Variants in ADAMTS18 observed in about 807,000 individuals in gnomAD.
ADAMTS18 encodes the protein A disintegrin and metalloproteinase with thrombospondin motifs 18.
A neutral mutation model predicts 165.9 loss-of-function variants in ADAMTS18; 157 were observed. The observed-to-expected ratio is 0.95, with a 90% CI of 0.83 to 1.08. The LOEUF is 1.08. Among genes scored for constraint, ADAMTS18 ranks in the 50% least tolerant of loss-of-function variants. The probability of loss-of-function intolerance (pLI) is 0.00; values close to 1 mark genes in which losing one functional copy is unlikely to be tolerated. For synonymous variants in ADAMTS18, 782 were observed against 578.2 expected (o/e 1.35, Z -5.06); for missense variants, 2,040 against 1,534.0 (o/e 1.33, Z -5.51).
intron 3 of ADAMTS18, among the ~76,000 whole-genome samples, chr16:77,385,031 C>T (rs373726222): frequency 2.0e-5 from 3 of 151,926 alleles, no homozygotes; most frequent in South Asian, 4.2e-4. Context: ...GCCTCAGCCT[C>T]CCAAGTAGCT....
At chr16:77,309,965 C>T (rs1008374313) in intron 16 of ADAMTS18, among the ~76,000 whole-genome samples, 1 of 152,146 alleles carries the variant, frequency 6.6e-6, no homozygotes. Flanking sequence ...ACTTTAAATG[C>T]TATTTGCTGT....
chr16:77,431,787 A>C lies in ADAMTS18; in HGVS notation c.179-176T>G, dbSNP rs2057743876. The C allele has an allele frequency of 7.2e-6, 5 of 690,946 alleles. No individual in the cohort carries two copies. In the South Asian group the frequency reaches 8.3e-5, roughly 11 times the overall value. The allele number at this position is 690,946 out of a possible 1,614,324, so 42.8% of individuals were successfully genotyped here. A position where few individuals can be genotyped will look rare whatever the true frequency, so the allele number is the denominator to read the frequency against. ...AGGCAGCAGAAGACCTGTCTCTACAACTAACTCGGCCACAGTCATTTCTAC... is the reference window on the plus strand; with the variant it reads ...AGGCAGCAGAAGACCTGTCTCTACACCTAACTCGGCCACAGTCATTTCTAC... On this transcript the variant is annotated intron_variant, in intron 2 of 22. Transcript: ENST00000282849.
intron 16 of ADAMTS18, among the ~76,000 whole-genome samples, chr16:77,305,626 T>A (rs977926808): frequency 1.3e-5 from 2 of 152,162 alleles, no homozygotes; most frequent in Non-Finnish European, 2.9e-5. Flanking sequence ...ATTAAAAATT[T>A]TTCAAATTCG....
chr16:77,308,055 T>C (rs539420452), intron 16 of ADAMTS18, among the ~76,000 whole-genome samples: 2 of 152,294 alleles, frequency 1.3e-5, no homozygotes, highest in South Asian at 4.1e-4. Flanking sequence ...ATTTCTCACT[T>C]ACTATCATGA....
At chr16:77,291,139 C>G in intron 21 of ADAMTS18, 127 bp downstream of exon 21, 2 of 1,056,176 alleles carry the variant, frequency 1.9e-6, no homozygotes, top group Non-Finnish European at 2.8e-6. Context: ...ATTCTGCCTT[C>G]AGAACTTGAG....
At chr16:77,354,699 T>C (rs376952092) in intron 9 of ADAMTS18, among the ~76,000 whole-genome samples, 10 of 152,302 alleles carry the variant, frequency 6.6e-5, no homozygotes, top group African/African-American at 2.4e-4. Context: ...ATAAAGGTTG[T>C]TACACAGTTC....
At chr16:77,330,210 T>C (rs1021696948) in intron 12 of ADAMTS18, among the ~76,000 whole-genome samples, 1 of 152,152 alleles carries the variant, frequency 6.6e-6, no homozygotes, top group Non-Finnish European at 1.5e-5. Context: ...CCTAACTCCA[T>C]GAGCTAAGTT....
chr16:77,393,048 G>A (rs2057210441), intron 3 of ADAMTS18, among the ~76,000 whole-genome samples: 1 of 152,128 alleles, frequency 6.6e-6, no homozygotes, highest in Non-Finnish European at 1.5e-5. Context: ...TTAATGCGCT[G>A]GTCATGATTT....
chr16:77,316,328 C>T (rs1315896395), intron 16 of ADAMTS18, among the ~76,000 whole-genome samples: 1 of 151,096 alleles, frequency 6.6e-6, no homozygotes, highest in Non-Finnish European at 1.5e-5. Flanking sequence ...AATCTCGGCT[C>T]ACTGCAACCT....
chr16:77,383,294 G>C (rs1435794912), intron 3 of ADAMTS18, among the ~76,000 whole-genome samples: 2 of 151,958 alleles, frequency 1.3e-5, no homozygotes, highest in South Asian at 2.1e-4. Context: ...TCTTGACCAA[G>C]AGAAATGGAT....
intron 10 of ADAMTS18, among the ~76,000 whole-genome samples, chr16:77,342,819 G>A (rs567920704): frequency 6.6e-6 from 1 of 152,204 alleles, no homozygotes; most frequent in South Asian, 2.1e-4. Flanking sequence ...TGGAGAGGCA[G>A]AGACTGTCCT....
chr16:77,314,750 T>G (rs1662268496), intron 16 of ADAMTS18, among the ~76,000 whole-genome samples: 1 of 23,726 alleles, frequency 4.2e-5, no homozygotes, highest in African/African-American at 2.0e-4. Flanking sequence ...TGGTCTCAGG[T>G]TTCATATATA....
At chr16:77,312,387 G>A (rs535262154) in intron 16 of ADAMTS18, among the ~76,000 whole-genome samples, 5 of 152,058 alleles carry the variant, frequency 3.3e-5, no homozygotes, top group South Asian at 4.2e-4. Context: ...ATAGGCGCCC[G>A]CCACCATGCC....
rs371016487 is a variant in ADAMTS18 at position 77,294,931 on chromosome 16, A to G, written c.2998T>C (p.Trp1000Arg). ...ACPPQWSLGP[W>R]SQCSKTCGRG... is the part of the protein sequence containing the mutation. ...AAGTTTTCTCCTGTTACCTGAGACC[A>G]GGGTCCAAGGCTCCATTGTGGAGGG... is the stretch of plus-strand genomic sequence containing the variant. The change falls in exon 19 of 23, where the codon TGG becomes CGG. Residue 1000 changes from tryptophan to arginine, a missense_variant. Physicochemically the swap from Trp to Arg is moderately radical, Grantham distance 101 (BLOSUM62 -3). Transcript: ENST00000282849. 1 of 1,614,106 alleles carries G rather than the reference A, an allele frequency of 6.2e-7. No individual in the cohort carries two copies. Among genetic ancestry groups the G allele is most frequent in the African/African-American group, 1.3e-5 (1 of 75,046 alleles).
chr16:77,433,641 C>T (rs960110399), intron 2 of ADAMTS18, among the ~76,000 whole-genome samples: 4 of 152,188 alleles, frequency 2.6e-5, no homozygotes, highest in Non-Finnish European at 5.9e-5. Context: ...ATTCCCCTGA[C>T]AAGAAAAGGA....
chr16:77,282,710 G>GT lies in ADAMTS18; in HGVS notation c.*1245dup, dbSNP rs1419818435. ...AGGACACAGTATTATAATTACTTTG[G>GT]TTTTGGCAAAATAGTGTGATGTTTT... On this transcript the variant is annotated 3_prime_UTR_variant, in exon 23 of 23. Transcript: ENST00000282849. 3.9e-5 allele frequency: 6 copies of GT among 152,400 alleles called. No individual in the cohort carries two copies. In the South Asian group the frequency reaches 1.0e-3, roughly 26 times the overall value. 9.4% of individuals were successfully genotyped at this position (152,400 alleles called of 1,614,324 possible). A position where few individuals can be genotyped will look rare whatever the true frequency, so the allele number is the denominator to read the frequency against.
Position 77,305,551 on chromosome 16 carries a change from G to A in ADAMTS18, c.2533-5147C>T, listed in dbSNP as rs536063287. ...TCCTCTGCAGCTGGGCAGGTCCCATGCCCATGAAGCTAGTCCTGCCCAGCT... is the reference window on the plus strand; with the variant it reads ...TCCTCTGCAGCTGGGCAGGTCCCATACCCATGAAGCTAGTCCTGCCCAGCT... On this transcript the variant is annotated intron_variant, in intron 16 of 22. Coordinates refer to ENST00000282849, the MANE Select transcript of ADAMTS18 (RefSeq NM_199355.4). Among the ~76,000 whole-genome samples, 9 of 152,308 alleles carry A rather than the reference G, an allele frequency of 5.9e-5. No homozygotes were observed. The South Asian group carries it at 1.4e-3, about 25-fold the overall frequency.
chr16:77,286,947 G>A (rs2055265339), intron 22 of ADAMTS18, among the ~76,000 whole-genome samples: 1 of 152,012 alleles, frequency 6.6e-6, no homozygotes, highest in Non-Finnish European at 1.5e-5. Flanking sequence ...ACCCAGATAA[G>A]GCATCACACA....
chr16:77,329,666 T>C (rs886132275), intron 12 of ADAMTS18, among the ~76,000 whole-genome samples: 1 of 152,204 alleles, frequency 6.6e-6, no homozygotes, highest in African/African-American at 2.4e-5. Context: ...ATTTCATTTT[T>C]AATTATGGGA....
Sources: gnomAD v4.1 joint callset for allele counts (sites outside exome capture counted in the v4.1 genomes callset) on GRCh38, gnomAD v4.1.1 for gene constraint, MANE v1.5 for transcripts, NCBI Gene and HGNC (gene_info 2026-07-23, HGNC 2026-07-21) for gene names.